Variants in PPP1R13L observed in about 807,000 individuals in gnomAD.
The protein encoded by PPP1R13L is relA-associated inhibitor.
Under a neutral mutation model 80.9 loss-of-function variants are expected in PPP1R13L, and 50 were observed. The ratio of observed to expected loss-of-function variants is 0.62; its 90% CI spans 0.49 to 0.78. The LOEUF is 0.78. Among genes scored for constraint, PPP1R13L ranks in the 30% least tolerant of loss-of-function variants. The pLI is 0.00. For missense variants in PPP1R13L, 1,200 were observed against 1,205.9 expected (o/e 1.00, Z 0.07); for synonymous variants, 602 against 534.3 (o/e 1.13, Z -1.75).
intron 8 of PPP1R13L, among the ~76,000 whole-genome samples, chr19:45,389,141 A>G (rs771211033): frequency 6.6e-6 from 1 of 152,176 alleles, no homozygotes; most frequent in Non-Finnish European, 1.5e-5. Flanking sequence ...CTTACATTCT[A>G]TGATTTTTTA....
At position 45,382,604 on chromosome 19, in the gene PPP1R13L, C is replaced by G; in HGVS notation, c.2371G>C (p.Asp791His). The change falls in exon 12 of 13, where the codon GAC becomes CAC. Residue 791 changes from aspartate (D) to histidine (H), a missense_variant. By Grantham distance (81) the Asp-to-His change is moderately conservative. Coordinates refer to ENST00000360957, the MANE Select transcript of PPP1R13L (RefSeq NM_006663.4). ...EGESVTVLRR[D>H]GPEETDWWWA... Reference sequence around the variant, plus strand: ...CACCAGTCGGTCTCCTCCGGCCCGTCCCTCCGCAGCACGGTGACCGACTCG... The same window carrying G: ...CACCAGTCGGTCTCCTCCGGCCCGTGCCTCCGCAGCACGGTGACCGACTCG... 1 of 1,613,676 alleles carries G rather than the reference C, an allele frequency of 6.2e-7. No homozygotes were observed. The highest frequency in any genetic ancestry group is 8.5e-7 in the Non-Finnish European group (1 of 1,179,994).
chr19:45,397,796 G>A (rs1396506171), intron 3 of PPP1R13L, among the ~76,000 whole-genome samples: 3 of 152,020 alleles, frequency 2.0e-5, no homozygotes, highest in African/African-American at 7.2e-5. Flanking sequence ...CAAACTCTTA[G>A]TCTCAAGCAA....
In PPP1R13L at chr19:45,396,854, G is replaced by T; in HGVS notation, c.403C>A (p.Leu135Met). ...LYLQPDAYGS[L>M]DRATSPRPRA... The stretch of plus-strand genomic sequence containing the variant: ...GGCCGGGGCGAGGTCGCGCGGTCCA[G>T]GCTGCCGTAGGCGTCCGGCTGCAGG... The change falls in exon 4 of 13, where the codon CTG (leucine) becomes ATG (methionine). Residue 135 changes from leucine to methionine, a missense_variant. By Grantham distance (15) the Leu-to-Met change is conservative (BLOSUM62 2). Around this residue, in one of 5 missense-constraint regions of PPP1R13L, gnomAD observed 764 missense variants for 714.5 expected, o/e 1.07. Transcript: ENST00000360957. This position sits in a 1 kb window ranked among gnomAD's most constrained non-coding sequence, Gnocchi z 5.3. 6.6e-7 allele frequency: 1 copy of T among 1,526,008 alleles called. No homozygotes were observed. Among genetic ancestry groups the T allele is most frequent in the Non-Finnish European group, 8.7e-7 (1 of 1,146,242 alleles). The allele number at this position is 1,526,008 out of a possible 1,614,324, so 94.5% of individuals were successfully genotyped here. A position where few individuals can be genotyped will look rare whatever the true frequency, so the allele number is the denominator to read the frequency against.
chr19:45,383,830 C>T (rs556159112), intron 11 of PPP1R13L, among the ~76,000 whole-genome samples: 1 of 151,176 alleles, frequency 6.6e-6, no homozygotes, highest in East Asian at 2.0e-4. Context: ...GGCGCGATTT[C>T]GGCTCACTGC....
intron 7 of PPP1R13L, chr19:45,395,157 T>G: frequency 2.2e-6 from 1 of 445,498 alleles, no homozygotes. Context: ...TTATTTCCCT[T>G]TTACACTCAA....
chr19:45,386,761 G>C (rs1463422084), intron 8 of PPP1R13L, among the ~76,000 whole-genome samples: 1 of 150,854 alleles, frequency 6.6e-6, no homozygotes, highest in East Asian at 2.0e-4. Flanking sequence ...TCAGCCTCCT[G>C]AGTAGCTAGG....
intron 11 of PPP1R13L, among the ~76,000 whole-genome samples, chr19:45,384,069 T>TTTTTC (rs1467453383): frequency 2.0e-5 from 3 of 151,520 alleles, no homozygotes; most frequent in Non-Finnish European, 4.4e-5. Flanking sequence ...CCTGGCTTTC[T>TTTTTC]TTTTCTTTTC....
At chr19:45,405,110 G>C, upstream of PPP1R13L, 1 of 958,618 alleles carries the variant, frequency 1.0e-6, no homozygotes, top group South Asian at 4.8e-5. Flanking sequence ...ACGTGACTTG[G>C]GCTGGAGGGA....
chr19:45,405,542 C>T (rs1973323237), upstream of PPP1R13L, among the ~76,000 whole-genome samples: 1 of 152,246 alleles, frequency 6.6e-6, no homozygotes, highest in Non-Finnish European at 1.5e-5. Flanking sequence ...TGCCTCGGGT[C>T]CTGTGGGAAT....
chr19:45,392,544 G>T lies in PPP1R13L; in HGVS notation c.1355-204C>A, dbSNP rs1038196890. 3 of 678,220 alleles carry T rather than the reference G, an allele frequency of 4.4e-6. No individual in the cohort carries two copies. The African/African-American group carries it at 5.3e-5, about 12-fold the overall frequency. 42.0% of individuals were successfully genotyped at this position (678,220 alleles called of 1,614,324 possible). On this transcript the variant is annotated intron_variant, in intron 7 of 12. Coordinates refer to ENST00000360957, the MANE Select transcript of PPP1R13L (RefSeq NM_006663.4). The stretch of plus-strand genomic sequence containing the variant: ...CCCATTTATTGAGCAGTTAGTATGT[G>T]CCTGGCGCTTTACATGCCTACCTTA...
rs141468978 is a variant in PPP1R13L, at chr19:45,385,384, G to A, written c.2248+178C>T. On this transcript the variant is annotated intron_variant, in intron 11 of 12. Coordinates refer to ENST00000360957, the MANE Select transcript of PPP1R13L (RefSeq NM_006663.4). ...AGCCTCCATGTCCCCTTTTCCCTTA[G>A]GAGGGCATAGTCCCCCCACCCCCGC... is the stretch of plus-strand genomic sequence containing the variant. Among the ~76,000 whole-genome samples the A allele has an allele frequency of 2.5e-3, 386 of 152,328 alleles. 1 individual carries two copies. The highest frequency in any genetic ancestry group is 9.7e-3 in the South Asian group (47 of 4,830).
At chr19:45,398,527 G>A (rs1272497876) in intron 1 of PPP1R13L, among the ~76,000 whole-genome samples, 188 bp from the exon 2 acceptor site, 2 of 150,096 alleles carry the variant, frequency 1.3e-5, no homozygotes, top group African/African-American at 5.0e-5. Context: ...GCGCCACGGA[G>A]AAGTCCAAAC....
At chr19:45,388,882 C>A (rs1423498256) in intron 8 of PPP1R13L, among the ~76,000 whole-genome samples, 1 of 151,928 alleles carries the variant, frequency 6.6e-6, no homozygotes, top group African/African-American at 2.4e-5. Context: ...GGATTACAGG[C>A]ATGCACCACC....
At chr19:45,385,517 T>C (rs762426643) in intron 11 of PPP1R13L, 45 bp downstream of exon 11, 14 of 1,561,416 alleles carry the variant, frequency 9.0e-6, no homozygotes, top group Non-Finnish European at 1.1e-5. Flanking sequence ...TCCCCGCTCC[T>C]GCGCACCCGC....
upstream of PPP1R13L, chr19:45,406,122 G>A (rs774192800): frequency 7.3e-5 from 15 of 205,782 alleles, no homozygotes; most frequent in Non-Finnish European, 1.3e-4. The surrounding 1 kb of genome is among the most constrained non-coding windows in gnomAD (Gnocchi z 4.2). Flanking sequence ...CCGCTCCCCC[G>A]GAGTCCAGAA....
chr19:45,381,299 A>G (rs58736721), intron 12 of PPP1R13L, among the ~76,000 whole-genome samples: 1 of 150,944 alleles, frequency 6.6e-6, no homozygotes, highest in East Asian at 2.0e-4. Context: ...TGACCTCAGG[A>G]GATCCGCCCG....
chr19:45,405,394 C>G (rs1485247829), upstream of PPP1R13L, among the ~76,000 whole-genome samples: 1 of 152,178 alleles, frequency 6.6e-6, no homozygotes, highest in Non-Finnish European at 1.5e-5. Flanking sequence ...TCAGTATCCC[C>G]CAGGGTCTCT....
rs1973146947 is a variant in PPP1R13L at position 45,397,995 on chromosome 19, C to T, written c.198+10G>A. On this transcript the variant is annotated intron_variant, in intron 3 of 12. Coordinates refer to ENST00000360957, the MANE Select transcript of PPP1R13L (RefSeq NM_006663.4). ...CTGGCTTTGGAGATCAAGGTGGGAA[C>T]CAGGCTTACCCTAGAAGGGGGTCCG... 6.2e-7 allele frequency: 1 copy of T among 1,604,138 alleles called. No individual in the cohort carries two copies. The highest frequency in any genetic ancestry group is 1.3e-5 in the African/African-American group (1 of 74,776).
rs1973086495 is a variant in PPP1R13L at position 45,396,189 on chromosome 19, A to C, written c.882T>G (p.Asp294Glu). The C allele has an allele frequency of 6.8e-6, 11 of 1,610,132 alleles. No individual in the cohort carries two copies. The highest frequency in any genetic ancestry group is 9.3e-6 in the Non-Finnish European group (11 of 1,179,146). Residue 294 changes from aspartate to glutamate, a missense_variant, in exon 6 of 13, where the codon GAT becomes GAG. Asp to Glu is a conservative substitution (Grantham distance 45). Around this residue, in one of 5 missense-constraint regions of PPP1R13L, gnomAD observed 764 missense variants for 714.5 expected, o/e 1.07. Transcript: ENST00000360957. The surrounding 1 kb of genome is among the most constrained non-coding windows in gnomAD (Gnocchi z 5.3). ...TCACCTTGCCGGTGCCCCCCAGTCC[A>C]TCCAGGCTGCTCTCCCTCCAAGGCA... ...QLLPWRESSLDGLGGTGKDNL... is the reference protein window; with the variant it reads ...QLLPWRESSLEGLGGTGKDNL...
Sources: allele counts gnomAD v4.1 joint callset (sites outside exome capture counted in the v4.1 genomes callset), GRCh38; gene constraint gnomAD v4.1.1; regional missense constraint gnomAD v4.1.1; non-coding constraint Gnocchi (gnomAD v3.1); transcripts MANE v1.5; gene names NCBI Gene and HGNC (gene_info 2026-07-23, HGNC 2026-07-21).